Variants in PREX1 observed in about 807,000 individuals in gnomAD.
PREX1 encodes phosphatidylinositol 3,4,5-trisphosphate-dependent Rac exchanger 1 protein.
Under a neutral mutation model 198.3 loss-of-function variants are expected in PREX1, and 41 were observed. That is an observed-to-expected ratio of 0.21 (90% CI 0.16 to 0.27). The LOEUF (loss-of-function observed/expected upper bound fraction) is 0.27. Among genes scored for constraint, PREX1 ranks in the 10% least tolerant of loss-of-function variants. The pLI is 1.00. For missense variants in PREX1, 1,620 were observed against 2,200.7 expected (o/e 0.74, Z 5.28); for synonymous variants, 843 against 887.2 (o/e 0.95, Z 0.89).
intron 26 of PREX1, 68 bp downstream of exon 26, chr20:48,645,783 C>A (rs930217131): frequency 1.6e-5 from 24 of 1,532,236 alleles, no homozygotes; most frequent in Non-Finnish European, 2.0e-5. Context: ...GATGTTGCCA[C>A]GGGTCCGTGG....
the PREX1 span, among the ~76,000 whole-genome samples, chr20:48,836,238 G>T: frequency 1.3e-5 from 2 of 152,190 alleles, no homozygotes; most frequent in Admixed American, 1.3e-4. Context: ...TGAGGTTCCA[G>T]GGAGAGGTCA....
At chr20:48,632,426 T>C in intron 34 of PREX1, 35 bp from the exon 35 acceptor site, 1 of 1,613,180 alleles carries the variant, frequency 6.2e-7, no homozygotes, top group Non-Finnish European at 8.5e-7. Flanking sequence ...GGCAGGCGGT[T>C]GGGAGCCGGT....
At chr20:48,635,372 C>T (rs981065094) in intron 32 of PREX1, among the ~76,000 whole-genome samples, 1 of 152,232 alleles carries the variant, frequency 6.6e-6, no homozygotes, top group African/African-American at 2.4e-5. Flanking sequence ...CCAAACAATA[C>T]ATCCTACAAG....
chr20:48,734,597 C>T lies in PREX1; in HGVS notation c.468G>A (p.Leu156=), dbSNP rs756042263. The change falls in exon 4 of 40, where the codon CTG becomes CTA. Residue 156 remains leucine, a synonymous_variant. Transcript: ENST00000371941. The part of the protein sequence containing the change: ...EEYCSNHEKA[L]RLLVELNKIP... ...TCTTGTTCAGCTCCACCAGCAGCCT[C>T]AGGGCTTTCTCATGGTTGCTGCAAT... 9.9e-6 allele frequency: 16 copies of T among 1,614,028 alleles called. No homozygotes were observed. Among genetic ancestry groups the T allele is most frequent in the Non-Finnish European group, 1.4e-5 (16 of 1,180,002 alleles).
the PREX1 span, among the ~76,000 whole-genome samples, chr20:48,846,353 T>C: frequency 6.6e-6 from 1 of 152,154 alleles, no homozygotes; most frequent in Non-Finnish European, 1.5e-5. Flanking sequence ...TTATCCTCTG[T>C]CCATTCTCAC....
At chr20:48,851,239 G>C in the PREX1 span, among the ~76,000 whole-genome samples, 3 of 152,180 alleles carry the variant, frequency 2.0e-5, no homozygotes, top group Non-Finnish European at 4.4e-5. Flanking sequence ...GGGCATGGTG[G>C]TTCACGCCTG....
intron 13 of PREX1, among the ~76,000 whole-genome samples, chr20:48,677,726 T>C (rs533682504): frequency 8.6e-4 from 131 of 152,360 alleles, no homozygotes; most frequent in African/African-American, 3.1e-3. Flanking sequence ...GGCTCACACC[T>C]GTAATCCCAG....
intron 1 of PREX1, among the ~76,000 whole-genome samples, chr20:48,801,293 A>G (rs180824906): frequency 2.0e-5 from 3 of 152,350 alleles, no homozygotes; most frequent in Admixed American, 2.0e-4. Context: ...TCCATGCCTC[A>G]TGCATCGGTG....
intron 7 of PREX1, 79 bp from the exon 8 acceptor site, chr20:48,692,869 AC>A: frequency 8.2e-7 from 1 of 1,219,814 alleles, no homozygotes; most frequent in East Asian, 2.3e-5. Context: ...AAAGGGGAAC[AC>A]AACACTGAGG....
intron 5 of PREX1, among the ~76,000 whole-genome samples, chr20:48,714,946 C>T (rs1274484203): frequency 1.3e-5 from 2 of 152,134 alleles, no homozygotes; most frequent in Non-Finnish European, 2.9e-5. Context: ...TCAAAGCCAA[C>T]GAGAGCTTGA....
intron 35 of PREX1, among the ~76,000 whole-genome samples, chr20:48,631,455 C>T (rs953362344): frequency 6.6e-6 from 1 of 152,204 alleles, no homozygotes; most frequent in East Asian, 1.9e-4. Context: ...GTGCCCGGCC[C>T]GCAGAAGGCC....
At chr20:48,670,635 T>A (rs2089669251) in intron 14 of PREX1, among the ~76,000 whole-genome samples, 1 of 152,226 alleles carries the variant, frequency 6.6e-6, no homozygotes, top group Admixed American at 6.5e-5. Flanking sequence ...GGCCACGTCC[T>A]TGGGCAATCC....
At chr20:48,769,666 C>T (rs2090226348) in intron 1 of PREX1, among the ~76,000 whole-genome samples, 2 of 152,104 alleles carry the variant, frequency 1.3e-5, no homozygotes, top group African/African-American at 2.4e-5. Context: ...ACTGGCTGTC[C>T]CCTCTGCCTG....
intron 1 of PREX1, among the ~76,000 whole-genome samples, chr20:48,799,447 C>T (rs746811700): frequency 2.0e-5 from 3 of 152,178 alleles, no homozygotes; most frequent in Non-Finnish European, 4.4e-5. Context: ...CATCCTAAAA[C>T]GAAGAGCAAC....
intron 14 of PREX1, among the ~76,000 whole-genome samples, chr20:48,671,747 C>T (rs1201592821): frequency 6.6e-6 from 1 of 150,628 alleles, no homozygotes; most frequent in African/African-American, 2.5e-5. Context: ...CACAGAAAGA[C>T]CCACGCGGGC....
At chr20:48,706,250 C>T (rs2089902137) in intron 6 of PREX1, among the ~76,000 whole-genome samples, 1 of 152,134 alleles carries the variant, frequency 6.6e-6, no homozygotes, top group Non-Finnish European at 1.5e-5. Context: ...GAGGAGCTTG[C>T]TCAATACCCT....
the PREX1 span, among the ~76,000 whole-genome samples, chr20:48,840,364 A>T: frequency 6.6e-6 from 1 of 151,998 alleles, no homozygotes; most frequent in Non-Finnish European, 1.5e-5. Flanking sequence ...AGAAAAAAAA[A>T]AGCATATTCT....
chr20:48,862,790 AAT>A, the PREX1 span, among the ~76,000 whole-genome samples: 108 of 102,536 alleles, frequency 1.1e-3, 2 homozygotes, highest in Middle Eastern at 4.5e-3. Context: ...TAAAAAAAAA[AAT>A]ATATATATAT....
chr20:48,701,029 C>G, intron 6 of PREX1, 143 bp from the exon 7 acceptor site: 1 of 1,137,302 alleles, frequency 8.8e-7, no homozygotes, highest in Non-Finnish European at 1.3e-6. Flanking sequence ...ATCAACACAA[C>G]GTGATTAGTG....
Sources: allele counts gnomAD v4.1 joint callset (sites outside exome capture counted in the v4.1 genomes callset), GRCh38; gene constraint gnomAD v4.1.1; transcripts MANE v1.5; gene names NCBI Gene and HGNC (gene_info 2026-07-23, HGNC 2026-07-21).